Variants in MROH2B observed in about 807,000 individuals in gnomAD.
The protein encoded by MROH2B is maestro heat-like repeat-containing protein family member 2B.
A neutral mutation model predicts 208.6 loss-of-function variants in MROH2B; 177 were observed. That is an observed-to-expected ratio of 0.85 (90% CI 0.75 to 0.96). MROH2B has a LOEUF of 0.96. MROH2B is among the 40% of genes least tolerant of loss of function. The pLI, the probability that MROH2B is intolerant of heterozygous loss-of-function variation, is 0.00. For synonymous variants in MROH2B, 728 were observed against 659.0 expected (o/e 1.10, Z -1.60); for missense variants, 2,002 against 1,878.7 (o/e 1.07, Z -1.21).
Position 40,998,158 on chromosome 5 carries a change from C to A in MROH2B, c.4652G>T (p.Arg1551Leu), listed in dbSNP as rs1741268107. ...CGGATCTTGACGAAGTGCTTGGAGT[C>A]CTGAAATGGCAAGAATAGCAAATAA... ...ELLDREQLTT[R>L]LQALRQDPCI... is the part of the protein sequence containing the mutation. The change falls in exon 42 of 42, where the codon CGA becomes CTA. Residue 1551 changes from arginine to leucine, a missense_variant and splice_region_variant. By Grantham distance (102) the Arg-to-Leu change is moderately radical. Transcript: ENST00000399564. The A allele has an allele frequency of 8.1e-6, 13 of 1,607,224 alleles. No homozygotes were observed. Among genetic ancestry groups the A allele is most frequent in the Non-Finnish European group, 1.1e-5 (13 of 1,175,428 alleles).
intron 16 of MROH2B, 55 bp from the exon 17 acceptor site, chr5:41,047,819 C>T (rs1579946947): frequency 1.4e-6 from 2 of 1,457,084 alleles, no homozygotes. Context: ...CCCCAAGACT[C>T]AAATTCTCCC....
intron 24 of MROH2B, among the ~76,000 whole-genome samples, chr5:41,019,527 C>T (rs964195325): frequency 1.3e-5 from 2 of 152,142 alleles, no homozygotes; most frequent in African/African-American, 4.8e-5. Context: ...TGGAGTGTTT[C>T]TTCCTTTCTG....
intron 11 of MROH2B, among the ~76,000 whole-genome samples, chr5:41,053,521 T>A (rs1743346163): frequency 6.6e-6 from 1 of 152,134 alleles, no homozygotes; most frequent in East Asian, 1.9e-4. Context: ...TGAGAACCAA[T>A]CCCTTAGTGA....
rs768290943 is a variant in MROH2B at position 41,052,488 on chromosome 5, A to C, written c.1207T>G (p.Phe403Val). The C allele has an allele frequency of 3.1e-6, 5 of 1,612,866 alleles. No individual in the cohort carries two copies. In the South Asian group the frequency reaches 5.5e-5, roughly 18 times the overall value. Residue 403 changes from phenylalanine to valine, a missense_variant, in exon 12 of 42, where the codon TTT becomes GTT. By Grantham distance (50) the Phe-to-Val change is conservative (BLOSUM62 -1). Transcript: ENST00000399564. ...ACCAGATTCCTGTTCAACGTTGCAAACTGGGAGAAGACATAATCAATCAAT... is the reference window on the plus strand; with the variant it reads ...ACCAGATTCCTGTTCAACGTTGCAACCTGGGAGAAGACATAATCAATCAAT... ...WPLIDYVFSQ[F>V]ATLNRNLEKP...
rs750462583 is a variant in MROH2B, at chr5:41,058,154, T to C, written c.665A>G (p.His222Arg). ...AHGPTVSLLL[H>R]REDFRGYALG... The stretch of plus-strand genomic sequence containing the variant: ...GGCGTATCCACGGAAGTCTTCCCGA[T>C]GCAGCAGCAAGCTCACCGTGGGCCC... The change falls in exon 7 of 42, where the codon CAT becomes CGT. Residue 222 changes from histidine (H) to arginine (R), a missense_variant. Transcript: ENST00000399564. 6.2e-7 allele frequency: 1 copy of C among 1,606,820 alleles called. No homozygotes were observed. Among genetic ancestry groups the C allele is most frequent in the Non-Finnish European group, 8.5e-7 (1 of 1,176,370 alleles).
At chr5:41,054,401 C>T (rs1743381232) in intron 11 of MROH2B, among the ~76,000 whole-genome samples, 1 of 152,122 alleles carries the variant, frequency 6.6e-6, no homozygotes, top group Admixed American at 6.5e-5. Flanking sequence ...ATTAATATTT[C>T]CTGGATGAAG....
chr5:41,047,617 G>A (rs376826100), intron 17 of MROH2B, 104 bp downstream of exon 17: 12 of 1,017,562 alleles, frequency 1.2e-5, no homozygotes, highest in African/African-American at 6.5e-5. Context: ...AAAGGAAAAG[G>A]TTGTTTATTA....
intron 19 of MROH2B, among the ~76,000 whole-genome samples, chr5:41,041,354 C>T (rs1383282534): frequency 2.6e-5 from 4 of 152,120 alleles, no homozygotes; most frequent in East Asian, 1.9e-4. Context: ...CAGCGGGGTG[C>T]GGTGGCTCAC....
intron 30 of MROH2B, among the ~76,000 whole-genome samples, chr5:41,012,066 T>C (rs1741791247): frequency 6.6e-6 from 1 of 152,216 alleles, no homozygotes; most frequent in Non-Finnish European, 1.5e-5. Flanking sequence ...TTAACCAAGC[T>C]TCCTGAATTT....
At chr5:41,000,995 C>G (rs1018493419) in intron 37 of MROH2B, among the ~76,000 whole-genome samples, 162 bp from the exon 38 acceptor site, 2 of 152,108 alleles carry the variant, frequency 1.3e-5, no homozygotes, top group African/African-American at 4.8e-5. Flanking sequence ...CAAGAACTTG[C>G]TTTCTTTCCC....
In MROH2B at chr5:41,060,137, A is replaced by C. The variant is rs368418587; in HGVS notation, c.615+1433T>G. ...GTTCCTCCATCCTAATAAGCATCCA[A>C]CTGATGCCAAGTCCTGGTCATTCTA... On this transcript the variant is annotated intron_variant, in intron 6 of 41. Transcript: ENST00000399564. Among the ~76,000 whole-genome samples the C allele has an allele frequency of 4.6e-5, 7 of 152,220 alleles. No individual in the cohort carries two copies. The East Asian group carries it at 1.2e-3, about 25-fold the overall frequency.
At chr5:41,018,838 C>A (rs966472680) in intron 25 of MROH2B, 45 bp downstream of exon 25, 5 of 1,613,594 alleles carry the variant, frequency 3.1e-6, no homozygotes, top group East Asian at 2.2e-5. Context: ...GAGAGTAAGG[C>A]CCCACTGCAG....
rs1453106608 is a variant in MROH2B at position 41,057,681 on chromosome 5, C to G, written c.757-321G>C. Reference sequence around the variant, plus strand: ...AAGCGATTCTCCTGCCTCAGCCTCCCGAGTAGCTGGGGCTATGGGCATGCG... The same window carrying G: ...AAGCGATTCTCCTGCCTCAGCCTCCGGAGTAGCTGGGGCTATGGGCATGCG... On this transcript the variant is annotated intron_variant, in intron 7 of 41. Transcript: ENST00000399564. Among the ~76,000 whole-genome samples, 3 of 150,578 alleles carry G rather than the reference C, an allele frequency of 2.0e-5. No individual in the cohort carries two copies. The South Asian group carries it at 6.4e-4, about 32-fold the overall frequency.
chr5:41,034,049 T>C (rs1224448463), intron 21 of MROH2B, 185 bp from the exon 22 acceptor site: 1 of 984,860 alleles, frequency 1.0e-6, no homozygotes, highest in Non-Finnish European at 1.2e-6. Flanking sequence ...AAGTGAGACC[T>C]TGTACATTTG....
chr5:41,022,509 C>T (rs1030995501), intron 24 of MROH2B, among the ~76,000 whole-genome samples: 1 of 152,194 alleles, frequency 6.6e-6, no homozygotes, highest in African/African-American at 2.4e-5. Flanking sequence ...GGGAGGGGCG[C>T]CCGCCATTGC....
intron 3 of MROH2B, 28 bp downstream of exon 3, chr5:41,067,080 C>T: frequency 7.2e-7 from 1 of 1,385,048 alleles, no homozygotes; most frequent in South Asian, 1.2e-5. Flanking sequence ...ACATAAAGAC[C>T]CTTTTCACCA....
intron 32 of MROH2B, 54 bp downstream of exon 32, chr5:41,009,225 AT>A: frequency 6.2e-7 from 1 of 1,604,308 alleles, no homozygotes; most frequent in African/African-American, 1.3e-5. Flanking sequence ...GTGGGGATAG[AT>A]CATAAAGATG....
chr5:41,005,752 T>C, intron 34 of MROH2B, 107 bp from the exon 35 acceptor site: 1 of 934,094 alleles, frequency 1.1e-6, no homozygotes, highest in Admixed American at 2.1e-5. Context: ...AATGCTTGGC[T>C]GGGGGTGGTG....
rs573002408 is a variant in MROH2B, at chr5:40,998,533, G to A, written c.4651+79C>T. On this transcript the variant is annotated intron_variant, in intron 41 of 41. Transcript: ENST00000399564. The stretch of plus-strand genomic sequence containing the variant: ...TAAGATTTTCAAGTTCTGGGCTGAC[G>A]TGGAACTTAGAACAGCAATATTTTC... The A allele has an allele frequency of 8.4e-6, 10 of 1,193,724 alleles. No individual in the cohort carries two copies. The South Asian group carries it at 1.1e-4, about 13-fold the overall frequency. 73.9% of individuals were successfully genotyped at this position (1,193,724 alleles called of 1,614,324 possible). A position where few individuals can be genotyped will look rare whatever the true frequency, so the allele number is the denominator to read the frequency against.
Sources: allele counts gnomAD v4.1 joint callset (sites outside exome capture counted in the v4.1 genomes callset), GRCh38; gene constraint gnomAD v4.1.1; transcripts MANE v1.5; gene names NCBI Gene and HGNC (gene_info 2026-07-23, HGNC 2026-07-21).